The following CEP295 variants were observed in gnomAD, a reference collection of about 807,000 sequenced individuals.
The protein encoded by CEP295 is centrosomal protein of 295 kDa.
In CEP295, 190 loss-of-function variants were observed where a neutral mutation model predicts 291.6. That is an observed-to-expected ratio of 0.65 (90% CI 0.58 to 0.73). The LOEUF (loss-of-function observed/expected upper bound fraction) is 0.73. CEP295 is among the 30% of genes least tolerant of loss of function. The pLI is 0.00. For missense variants in CEP295, 2,863 were observed against 2,949.4 expected, an observed-to-expected ratio of 0.97 and a Z score of 0.68; for synonymous variants, 993 against 1,038.8, an observed-to-expected ratio of 0.96 and a Z score of 0.85.
Position 93,683,648 on chromosome 11 carries a change from A to G in CEP295, c.855A>G (p.Gln285=). The change falls in exon 8 of 30, where the codon CAA becomes CAG. Residue 285 remains glutamine, a synonymous_variant. Transcript: ENST00000325212. The stretch of plus-strand genomic sequence containing the variant: ...AGACTGTAGCACAAATGCCACCACA[A>G]CTAGTTGAACTTCCATACAAACGCA... ...RRQTVAQMPP[Q]LVELPYKRSE... is the part of the protein sequence containing the mutation. 1 of 1,550,046 alleles carries G rather than the reference A, an allele frequency of 6.5e-7. No homozygotes were observed. The highest frequency in any genetic ancestry group is 2.4e-5 in the East Asian group (1 of 40,902).
chr11:93,669,379 A>T (rs1950328726), intron 4 of CEP295, among the ~76,000 whole-genome samples: 1 of 151,132 alleles, frequency 6.6e-6, no homozygotes, highest in Non-Finnish European at 1.5e-5. Flanking sequence ...GGGCCCTGTT[A>T]CTAGTTAGCA....
chr11:93,729,015 A>C, intron 25 of CEP295, 194 bp downstream of exon 25: 1 of 537,402 alleles, frequency 1.9e-6, no homozygotes, highest in East Asian at 3.0e-5. Context: ...TTTAATCCCC[A>C]CTCCAATTTA....
At position 93,699,029 on chromosome 11, in the gene CEP295, C is replaced by T. The variant is rs749074125; in HGVS notation, c.4117C>T (p.Arg1373Trp). ...CATCATTCTAGCTAGACAAGAAGCT[C>T]GGGAAGAATTACTTTTACATCAGAG... Reference protein sequence around the residue: ...EAIILARQEAREELLLHQSEW... With the variant: ...EAIILARQEAWEELLLHQSEW... The change falls in exon 15 of 30, where the codon CGG becomes TGG. Residue 1373 changes from arginine to tryptophan, a missense_variant. Arg to Trp is a moderately radical substitution (Grantham distance 101). This residue lies in a region of CEP295 where 2,295 missense variants were observed against 2,335.7 expected (regional missense o/e 0.98). Coordinates refer to ENST00000325212, the MANE Select transcript of CEP295 (RefSeq NM_033395.2). 4.1e-5 allele frequency: 63 copies of T among 1,546,582 alleles called. 1 individual carries two copies. In the South Asian group the frequency reaches 5.7e-4, roughly 14 times the overall value.
chr11:93,666,921 G>A, intron 2 of CEP295, 106 bp downstream of exon 2: 1 of 615,764 alleles, frequency 1.6e-6, no homozygotes, highest in Middle Eastern at 4.6e-4. Context: ...CCTCTTCTGG[G>A]TATACGAGAG....
chr11:93,707,271 G>A (rs1952566351), intron 18 of CEP295, among the ~76,000 whole-genome samples: 1 of 151,854 alleles, frequency 6.6e-6, no homozygotes, highest in Non-Finnish European at 1.5e-5. Context: ...TAAATATTTG[G>A]AAAAATAAAG....
Position 93,724,637 on chromosome 11 carries a change from C to T in CEP295, c.6318+262C>T, listed in dbSNP as rs553289022. 2.0e-4 allele frequency among the ~76,000 whole-genome samples: 31 copies of T among 151,916 alleles called. No homozygotes were observed. In the East Asian group the frequency reaches 3.3e-3, roughly 16 times the overall value. Reference sequence around the variant, plus strand: ...CAAAAATTAGCCAGGTGTCGTGGTGCGCACCTGTAGTCCCAGCTACTCGGG... The same window carrying T: ...CAAAAATTAGCCAGGTGTCGTGGTGTGCACCTGTAGTCCCAGCTACTCGGG... On this transcript the variant is annotated intron_variant, in intron 22 of 29. Coordinates refer to ENST00000325212, the MANE Select transcript of CEP295 (RefSeq NM_033395.2).
intron 18 of CEP295, among the ~76,000 whole-genome samples, chr11:93,719,035 G>A (rs907202634): frequency 1.3e-5 from 2 of 152,096 alleles, no homozygotes; most frequent in Admixed American, 1.3e-4. Flanking sequence ...TTGAACCCGG[G>A]AGGTGGAGTT....
chr11:93,698,261 A>G lies in CEP295; in HGVS notation c.3349A>G (p.Lys1117Glu). Residue 1117 changes from lysine (K) to glutamate (E), a missense_variant, in exon 15 of 30, where the codon AAA becomes GAA. By Grantham distance (56) the Lys-to-Glu change is moderately conservative. Transcript: ENST00000325212. ...TTCAGTTGCTTCACAAGCTTCTGCTAAAGCTGAGCCTAGGAGAATTCAGGA... is the reference window on the plus strand; with the variant it reads ...TTCAGTTGCTTCACAAGCTTCTGCTGAAGCTGAGCCTAGGAGAATTCAGGA... ...QHSVASQASA[K>E]AEPRRIQELY... is the part of the protein sequence containing the mutation. 2 of 1,551,814 alleles carry G rather than the reference A, an allele frequency of 1.3e-6. No homozygotes were observed. Among genetic ancestry groups the G allele is most frequent in the Non-Finnish European group, 1.7e-6 (2 of 1,146,992 alleles).
At chr11:93,683,527 T>A (rs1055095957) in intron 7 of CEP295, 32 bp from the exon 8 acceptor site, 1 of 1,454,856 alleles carries the variant, frequency 6.9e-7, no homozygotes, top group African/African-American at 1.5e-5. Flanking sequence ...AGTTTGTGAC[T>A]CAGTTTTTGT....
In CEP295 at chr11:93,727,314, G is replaced by T; in HGVS notation, c.6838G>T (p.Gly2280Cys). 2 of 1,551,520 alleles carry T rather than the reference G, an allele frequency of 1.3e-6. No homozygotes were observed. The highest frequency in any genetic ancestry group is 1.7e-6 in the Non-Finnish European group (2 of 1,146,902). ...ACTAGAAAGCAGAAAGGAAAGTATG[G>T]GCTTTGAAGAACTATCAAAAAGAGG... Reference protein sequence around the residue: ...HQLESRKESMGFEELSKRGVV... With the variant: ...HQLESRKESMCFEELSKRGVV... Residue 2280 changes from glycine to cysteine, a missense_variant, in exon 24 of 30, where the codon GGC (glycine) becomes TGC (cysteine). Around this residue, in one of 3 missense-constraint regions of CEP295, gnomAD observed 2,295 missense variants for 2,335.7 expected, o/e 0.98. Transcript: ENST00000325212.
At chr11:93,716,584 G>A (rs983989673) in intron 18 of CEP295, among the ~76,000 whole-genome samples, 1 of 152,200 alleles carries the variant, frequency 6.6e-6, no homozygotes, top group East Asian at 1.9e-4. Context: ...AGACCCAGCA[G>A]ACTCAACGTC....
At chr11:93,706,068 T>C (rs1952493224) in intron 17 of CEP295, among the ~76,000 whole-genome samples, 1 of 152,092 alleles carries the variant, frequency 6.6e-6, no homozygotes, top group South Asian at 2.1e-4. Context: ...GACCCCAGAG[T>C]GTATCAGATT....
At chr11:93,707,219 CTA>C (rs1245026019) in intron 18 of CEP295, among the ~76,000 whole-genome samples, 2 of 152,024 alleles carry the variant, frequency 1.3e-5, no homozygotes, top group Non-Finnish European at 2.9e-5. Flanking sequence ...TTTAAAAATT[CTA>C]TCTGTGGGCA....
intron 10 of CEP295, among the ~76,000 whole-genome samples, chr11:93,690,071 G>A (rs10741472): frequency 0.92 from 139,769 of 152,112 alleles, 65,034 homozygotes; most frequent in East Asian, 0.99. Context: ...TGGTGTTGAA[G>A]TCCAAAAAAG....
intron 5 of CEP295, among the ~76,000 whole-genome samples, chr11:93,671,036 C>T (rs1211523992): frequency 2.6e-5 from 4 of 152,204 alleles, no homozygotes; most frequent in Admixed American, 2.0e-4. Flanking sequence ...GCATCTGCCA[C>T]CATGCCCCGC....
chr11:93,675,903 G>C (rs1950664422), intron 6 of CEP295, among the ~76,000 whole-genome samples: 1 of 151,960 alleles, frequency 6.6e-6, no homozygotes. Flanking sequence ...AGATTTTAAA[G>C]CTTTTTTTAT....
rs753106403 is a variant in CEP295 at position 93,729,189 on chromosome 11, CAG to C, written c.7303-242_7303-241del. ...GGCAATAAGAATAAAGCTATCTAAA[CAG>C]AGGCCTAGAGGTGTGAGGGCAGTGG... On this transcript the variant is annotated intron_variant, in intron 25 of 29. Transcript: ENST00000325212. 16 of 553,936 alleles carry C rather than the reference CAG, an allele frequency of 2.9e-5. 1 individual carries two copies. Among genetic ancestry groups the C allele is most frequent in the Non-Finnish European group, 4.8e-5 (15 of 312,298 alleles). The allele number at this position is 553,936 out of a possible 1,614,324, so 34.3% of individuals were successfully genotyped here. A position where few individuals can be genotyped will look rare whatever the true frequency, so the allele number is the denominator to read the frequency against.
chr11:93,703,519 T>C (rs1952307758), intron 17 of CEP295, among the ~76,000 whole-genome samples: 1 of 151,894 alleles, frequency 6.6e-6, no homozygotes, highest in Non-Finnish European at 1.5e-5. Flanking sequence ...ACAGTCTTGC[T>C]CCCCGTTTCC....
Position 93,697,360 on chromosome 11 carries a change from A to G in CEP295, c.2448A>G (p.Lys816=), listed in dbSNP as rs1206187288. 5 of 1,551,820 alleles carry G rather than the reference A, an allele frequency of 3.2e-6. No individual in the cohort carries two copies. Among genetic ancestry groups the G allele is most frequent in the Admixed American group, 3.9e-5 (2 of 50,986 alleles). The change falls in exon 15 of 30, where the codon AAA becomes AAG. Residue 816 remains lysine (K), a synonymous_variant. Transcript: ENST00000325212. ...AAGAACCCTTTTCAGCCATGAGCAA[A>G]AGTACAGTTTCCACAAGCCATTCTA... is the stretch of plus-strand genomic sequence containing the variant. ...KIQEPFSAMS[K]STVSTSHSII...
Sources: allele counts gnomAD v4.1 joint callset (sites outside exome capture counted in the v4.1 genomes callset), GRCh38; gene constraint gnomAD v4.1.1; regional missense constraint gnomAD v4.1.1; transcripts MANE v1.5; gene names NCBI Gene and HGNC (gene_info 2026-07-23, HGNC 2026-07-21).